Variants in ZNF469 observed in about 807,000 individuals in gnomAD.
ZNF469 encodes zinc finger protein 469.
A neutral mutation model predicts 1.0 loss-of-function variants in ZNF469; 1 was observed. That is an observed-to-expected ratio of 1.00 (90% CI 0.35 to 4.73). ZNF469 has a LOEUF of 4.73. Ranked by LOEUF, ZNF469 falls within the 30% of genes most tolerant of loss-of-function variation. The pLI is 0.16. For synonymous variants in ZNF469, 2,703 were observed against 2,363.4 expected (o/e 1.14, Z -4.17); for missense variants, 6,100 against 5,356.3 (o/e 1.14, Z -4.33).
the ZNF469 span, among the ~76,000 whole-genome samples, chr16:88,152,884 G>C: frequency 6.6e-6 from 1 of 152,154 alleles, no homozygotes; most frequent in African/African-American, 2.4e-5. This position sits in a 1 kb window ranked among gnomAD's most constrained non-coding sequence, Gnocchi z 4.2. Flanking sequence ...TTTCATTAAT[G>C]GTTTTGGAGC....
the ZNF469 span, among the ~76,000 whole-genome samples, chr16:88,223,458 G>A: frequency 6.6e-6 from 1 of 152,292 alleles, no homozygotes; most frequent in East Asian, 1.9e-4. Flanking sequence ...AAGAAGAACT[G>A]ATACAGAGAG....
At chr16:88,408,265 G>T (rs976620134) in intron 1 of ZNF469, among the ~76,000 whole-genome samples, 12 of 152,220 alleles carry the variant, frequency 7.9e-5, no homozygotes, top group Admixed American at 2.6e-4. Flanking sequence ...CAATTCTCCT[G>T]CCTCAGCCTC....
the ZNF469 span, among the ~76,000 whole-genome samples, chr16:88,120,740 G>A: frequency 5.9e-5 from 9 of 152,204 alleles, no homozygotes; most frequent in East Asian, 1.9e-4. Flanking sequence ...CCTGAGCCCC[G>A]GGAACACTGG....
At chr16:88,380,884 C>G (rs1177895768), upstream of ZNF469, among the ~76,000 whole-genome samples, 2 of 116,154 alleles carry the variant, frequency 1.7e-5, no homozygotes. Context: ...ATGCCCTCAC[C>G]CAGACATGCA....
chr16:88,350,684 T>A, the ZNF469 span, among the ~76,000 whole-genome samples: 1 of 152,210 alleles, frequency 6.6e-6, no homozygotes, highest in African/African-American at 2.4e-5. Context: ...GGGCTCCTGA[T>A]GTCATCACCA....
the ZNF469 span, among the ~76,000 whole-genome samples, chr16:88,348,898 C>A: frequency 6.6e-6 from 1 of 152,140 alleles, no homozygotes; most frequent in Non-Finnish European, 1.5e-5. Context: ...TGTGTGCCTG[C>A]GTGTGTGTGG....
chr16:88,133,865 G>A, the ZNF469 span, among the ~76,000 whole-genome samples: 20 of 152,280 alleles, frequency 1.3e-4, no homozygotes, highest in South Asian at 2.1e-4. Context: ...AGGCCGAGGC[G>A]GGTGGATCAC....
At chr16:88,380,187 ACT>A (rs1258966188), upstream of ZNF469, among the ~76,000 whole-genome samples, 2 of 151,196 alleles carry the variant, frequency 1.3e-5, no homozygotes, top group East Asian at 1.9e-4. Flanking sequence ...ACACAAATGC[ACT>A]CACACACAGA....
chr16:88,247,806 T>G, the ZNF469 span, among the ~76,000 whole-genome samples: 3,275 of 151,634 alleles, frequency 0.022, 120 homozygotes, highest in African/African-American at 0.076. Flanking sequence ...AGTGAATGAG[T>G]GAGTGAGTGA....
At chr16:88,183,786 G>A in the ZNF469 span, among the ~76,000 whole-genome samples, 19 of 152,318 alleles carry the variant, frequency 1.2e-4, no homozygotes, top group African/African-American at 4.1e-4. Context: ...AGCATGTGAA[G>A]TCATCAGCCC....
the ZNF469 span, among the ~76,000 whole-genome samples, chr16:88,336,869 G>A: frequency 1.5e-4 from 23 of 152,068 alleles, no homozygotes; most frequent in African/African-American, 4.8e-4. Flanking sequence ...ACCACCTGCC[G>A]TTCCCCCAGC....
chr16:88,222,829 C>A, the ZNF469 span, among the ~76,000 whole-genome samples: 2 of 152,084 alleles, frequency 1.3e-5, no homozygotes, highest in Non-Finnish European at 2.9e-5. Context: ...GAACTCCTGG[C>A]CTCAAACGAT....
the ZNF469 span, among the ~76,000 whole-genome samples, chr16:88,243,054 G>A: frequency 3.3e-5 from 5 of 152,274 alleles, no homozygotes; most frequent in Admixed American, 6.5e-5. Context: ...TGGCCAGCCC[G>A]GGTATTCTGC....
chr16:88,339,906 G>C, the ZNF469 span, among the ~76,000 whole-genome samples: 7 of 148,684 alleles, frequency 4.7e-5, no homozygotes, highest in Admixed American at 4.0e-4. Flanking sequence ...GCAAAGCCCA[G>C]GTGCTTCACG....
the ZNF469 span, among the ~76,000 whole-genome samples, chr16:88,332,839 C>T: frequency 6.6e-6 from 1 of 152,236 alleles, no homozygotes; most frequent in African/African-American, 2.4e-5. Flanking sequence ...GCCTCCTCAC[C>T]GTTTCACAGA....
the ZNF469 span, among the ~76,000 whole-genome samples, chr16:88,192,976 ATGGTGGTGGTGATGG>A: frequency 5.5e-5 from 7 of 127,822 alleles, no homozygotes; most frequent in East Asian, 1.8e-3. Flanking sequence ...GATGGTAGTG[ATGGTGGTGGTGATGG>A]TGGTGGTGGT....
At chr16:88,386,482 G>A (rs1008673806) in intron 1 of ZNF469, among the ~76,000 whole-genome samples, 2 of 151,966 alleles carry the variant, frequency 1.3e-5, no homozygotes, top group East Asian at 1.9e-4. Context: ...CACGCATCCT[G>A]CATCCCACCT....
At chr16:88,328,130 G>A in the ZNF469 span, among the ~76,000 whole-genome samples, 2 of 152,220 alleles carry the variant, frequency 1.3e-5, no homozygotes, top group Non-Finnish European at 2.9e-5. Flanking sequence ...CAGGTCCCAG[G>A]GAAGGAGGAG....
the ZNF469 span, among the ~76,000 whole-genome samples, chr16:88,352,569 G>A: frequency 6.6e-5 from 10 of 152,246 alleles, no homozygotes; most frequent in African/African-American, 2.2e-4. Flanking sequence ...CTGTGTCCTT[G>A]TCTGTACAAC....
Sources: allele counts gnomAD v4.1 joint callset (sites outside exome capture counted in the v4.1 genomes callset), GRCh38; gene constraint gnomAD v4.1.1; non-coding constraint Gnocchi (gnomAD v3.1); transcripts MANE v1.5; gene names NCBI Gene and HGNC (gene_info 2026-07-23, HGNC 2026-07-21).